GPC6: variants seen among roughly 807,000 people sequenced by gnomAD.
GPC6 encodes glypican-6.
In GPC6, 14 loss-of-function variants were observed where a neutral mutation model predicts 55.2. The ratio of observed to expected loss-of-function variants is 0.25; its 90% CI spans 0.17 to 0.40. The LOEUF (loss-of-function observed/expected upper bound fraction) is 0.40. Among genes scored for constraint, GPC6 ranks in the 10% least tolerant of loss-of-function variants. The pLI is 1.00. For missense variants in GPC6, 641 were observed against 708.5 expected (o/e 0.90, Z 1.08); for synonymous variants, 278 against 259.6 (o/e 1.07, Z -0.68).
At chr13:94,324,812 C>T (rs147532621) in intron 6 of GPC6, among the ~76,000 whole-genome samples, 5 of 152,014 alleles carry the variant, frequency 3.3e-5, no homozygotes, top group African/African-American at 9.6e-5. Flanking sequence ...AGCCTATAGT[C>T]GTTCACCAAA....
At chr13:94,256,929 G>A (rs761876110) in intron 4 of GPC6, among the ~76,000 whole-genome samples, 1 of 152,146 alleles carries the variant, frequency 6.6e-6, no homozygotes, top group African/African-American at 2.4e-5. Context: ...ATAGCACAGC[G>A]ATCTGCCTTT....
At chr13:93,504,516 G>C (rs1484390103) in intron 1 of GPC6, among the ~76,000 whole-genome samples, 1 of 136,692 alleles carries the variant, frequency 7.3e-6, no homozygotes, top group African/African-American at 2.8e-5. Context: ...TCCCTCACTG[G>C]ATTGTAACTT....
At chr13:94,260,709 C>T (rs1159413754) in intron 4 of GPC6, among the ~76,000 whole-genome samples, 1 of 152,074 alleles carries the variant, frequency 6.6e-6, no homozygotes, top group African/African-American at 2.4e-5. Flanking sequence ...CATCATAGGG[C>T]CTGGTGACTA....
rs142943362 is a variant in GPC6 at position 93,949,299 on chromosome 13, T to C, written c.712-78430T>C. On this transcript the variant is annotated intron_variant, in intron 3 of 8. Transcript: ENST00000377047. ...TATGACTATCCACTTATGTTCTGCT[T>C]TGCCTGGCATAGACAATGACATTTC... 2.0e-5 allele frequency among the ~76,000 whole-genome samples: 3 copies of C among 152,360 alleles called. No homozygotes were observed. In the East Asian group the frequency reaches 5.8e-4, roughly 29 times the overall value.
intron 1 of GPC6, among the ~76,000 whole-genome samples, chr13:93,459,974 C>A (rs1315047926): frequency 6.6e-6 from 1 of 152,194 alleles, no homozygotes; most frequent in African/African-American, 2.4e-5. Flanking sequence ...ACATGTTAAG[C>A]TGCCCTTCTC....
At chr13:93,711,189 C>G (rs978964154) in intron 2 of GPC6, among the ~76,000 whole-genome samples, 1 of 151,776 alleles carries the variant, frequency 6.6e-6, no homozygotes, top group African/African-American at 2.4e-5. Flanking sequence ...AAAACTCTAA[C>G]TAAATGTTTT....
At chr13:94,316,007 A>T (rs1017791081) in intron 6 of GPC6, among the ~76,000 whole-genome samples, 2 of 152,124 alleles carry the variant, frequency 1.3e-5, no homozygotes, top group African/African-American at 2.4e-5. Context: ...TCCCAAGACA[A>T]TTCCTCTTCT....
At chr13:94,239,276 T>C (rs1018273517) in intron 4 of GPC6, among the ~76,000 whole-genome samples, 1 of 152,236 alleles carries the variant, frequency 6.6e-6, no homozygotes, top group East Asian at 1.9e-4. Flanking sequence ...GAAAAAAACA[T>C]CATGTTGGAA....
At chr13:93,317,678 T>G (rs985725612) in intron 1 of GPC6, among the ~76,000 whole-genome samples, 5 of 152,168 alleles carry the variant, frequency 3.3e-5, no homozygotes. Context: ...TTTTATCAAC[T>G]TTATCAGAAA....
chr13:93,307,565 G>T (rs565572916), intron 1 of GPC6, among the ~76,000 whole-genome samples: 1 of 152,144 alleles, frequency 6.6e-6, no homozygotes, highest in South Asian at 2.1e-4. Context: ...CATAAATAAA[G>T]TTAGATTGGC....
intron 2 of GPC6, among the ~76,000 whole-genome samples, chr13:93,798,301 A>T (rs931596847): frequency 2.6e-5 from 4 of 152,166 alleles, no homozygotes; most frequent in African/African-American, 9.7e-5. Context: ...CTGTGAACCA[A>T]GTTACTTGAC....
chr13:93,293,714 AT>A, intron 1 of GPC6, among the ~76,000 whole-genome samples: 1 of 152,238 alleles, frequency 6.6e-6, no homozygotes. Context: ...GTTTTTGCCC[AT>A]TTTTTAAATC....
chr13:93,377,583 G>A (rs1874969900), intron 1 of GPC6, among the ~76,000 whole-genome samples: 2 of 152,192 alleles, frequency 1.3e-5, no homozygotes, highest in African/African-American at 4.8e-5. Context: ...AGCCCTCGTT[G>A]TTGGCAGCTG....
chr13:93,608,400 A>G (rs1878332647), intron 2 of GPC6, among the ~76,000 whole-genome samples: 1 of 152,232 alleles, frequency 6.6e-6, no homozygotes, highest in Non-Finnish European at 1.5e-5. Flanking sequence ...TTTACCATTT[A>G]GTTCAAAGAA....
intron 2 of GPC6, among the ~76,000 whole-genome samples, chr13:93,772,638 G>A (rs181930804): frequency 1.9e-4 from 29 of 152,212 alleles, no homozygotes; most frequent in East Asian, 9.6e-4. Context: ...AATTTTTTAC[G>A]TGGAAAGAAA....
At chr13:93,817,999 A>T (rs1292619513) in intron 2 of GPC6, among the ~76,000 whole-genome samples, 1 of 147,630 alleles carries the variant, frequency 6.8e-6, no homozygotes, top group Non-Finnish European at 1.5e-5. Context: ...TAAAATAAAA[A>T]CATAAATTAT....
chr13:94,173,659 G>A (rs1230588293), intron 4 of GPC6, among the ~76,000 whole-genome samples: 2 of 152,132 alleles, frequency 1.3e-5, no homozygotes, highest in Non-Finnish European at 2.9e-5. Context: ...CACACCTCAA[G>A]GTGGAGCCCG....
At chr13:94,098,232 T>C (rs1885734993) in intron 4 of GPC6, among the ~76,000 whole-genome samples, 1 of 152,208 alleles carries the variant, frequency 6.6e-6, no homozygotes, top group African/African-American at 2.4e-5. Flanking sequence ...GCCATGTAGT[T>C]TAATATAGAC....
chr13:93,800,285 C>T (rs946832649), intron 2 of GPC6, among the ~76,000 whole-genome samples: 1 of 152,142 alleles, frequency 6.6e-6, no homozygotes, highest in Non-Finnish European at 1.5e-5. Context: ...GATACATTTA[C>T]TGTGGAGCTT....
Sources: gnomAD v4.1 joint callset for allele counts (sites outside exome capture counted in the v4.1 genomes callset) on GRCh38, gnomAD v4.1.1 for gene constraint, MANE v1.5 for transcripts, NCBI Gene and HGNC (gene_info 2026-07-23, HGNC 2026-07-21) for gene names.